Variants in RARB observed in about 807,000 individuals in gnomAD.
The protein encoded by RARB is retinoic acid receptor beta.
RARB carries 17 observed loss-of-function variants against 51.9 expected under a neutral mutation model. The ratio of observed to expected loss-of-function variants is 0.33; its 90% CI spans 0.22 to 0.49. RARB has a LOEUF of 0.49. RARB is among the 20% of genes least tolerant of loss of function. The probability of loss-of-function intolerance (pLI) is 0.99; values close to 1 mark genes in which losing one functional copy is unlikely to be tolerated. For missense variants in RARB, 369 were observed against 550.8 expected, an observed-to-expected ratio of 0.67 and a Z score of 3.30; for synonymous variants, 215 against 195.4, an observed-to-expected ratio of 1.10 and a Z score of -0.84.
intron 3 of RARB, 73 bp from the exon 4 acceptor site, chr3:25,569,685 G>A (rs957132314): frequency 2.0e-6 from 3 of 1,512,366 alleles, no homozygotes; most frequent in Admixed American, 2.1e-5. Context: ...GCCTTGGGAG[G>A]TGGAACCTCC....
chr3:25,155,989 T>G (rs959315314), intron 4 of RARB, among the ~76,000 whole-genome samples: 2 of 152,200 alleles, frequency 1.3e-5, no homozygotes, highest in African/African-American at 4.8e-5. Context: ...TTAGTTCATT[T>G]GTTTATTGGT....
intron 5 of RARB, among the ~76,000 whole-genome samples, chr3:25,283,324 T>C (rs1486297395): frequency 6.6e-6 from 1 of 152,216 alleles, no homozygotes; most frequent in Non-Finnish European, 1.5e-5. Flanking sequence ...GCTCTGAGAA[T>C]AGCAACTCAA....
At chr3:24,944,950 G>T (rs970550237) in intron 2 of RARB, among the ~76,000 whole-genome samples, 1 of 152,118 alleles carries the variant, frequency 6.6e-6, no homozygotes, top group Admixed American at 6.5e-5. Flanking sequence ...GAGAAATTGG[G>T]AAAAAGTGCC....
chr3:25,441,295 C>A, intron 1 of RARB: 1 of 400,428 alleles, frequency 2.5e-6, no homozygotes, highest in Non-Finnish European at 4.8e-6. Context: ...AAGCTCAGAT[C>A]TGTTTTAAAG....
intron 4 of RARB, among the ~76,000 whole-genome samples, chr3:25,576,917 C>G (rs1730221): frequency 0.38 from 58,126 of 152,040 alleles, 11,346 homozygotes; most frequent in African/African-American, 0.44. Flanking sequence ...AAGCCATGCT[C>G]TCATAGTGCC....
chr3:25,339,857 C>T lies in RARB; in HGVS notation c.179-121336C>T, dbSNP rs185948047. On this transcript the variant is annotated intron_variant, in intron 5 of 11. Transcript: ENST00000383772. ...ATTCATTTTCTGGGAAAAGATCATC[C>T]TCAACAGTTTCCACAAAACTGCATA... 1.6e-4 allele frequency among the ~76,000 whole-genome samples: 25 copies of T among 152,222 alleles called. No homozygotes were observed. The East Asian group carries it at 4.8e-3, about 29-fold the overall frequency.
In RARB at chr3:25,213,718, A is replaced by G. The variant is rs143569965; in HGVS notation, c.178+39143A>G. Among the ~76,000 whole-genome samples, 1,024 of 152,340 alleles carry G rather than the reference A, an allele frequency of 6.7e-3. 7 individuals are homozygous for G. The highest frequency in any genetic ancestry group is 0.034 in the Middle Eastern group (10 of 294). Reference sequence around the variant, plus strand: ...GGCAGGCATACTGATGGCAACGGCAATGAGAGCTAGAATAATGTTTAGGAG... The same window carrying G: ...GGCAGGCATACTGATGGCAACGGCAGTGAGAGCTAGAATAATGTTTAGGAG... On this transcript the variant is annotated intron_variant, in intron 5 of 11. Coordinates refer to the RARB transcript ENST00000383772.
At chr3:25,067,496 C>G (rs907596527) in intron 3 of RARB, among the ~76,000 whole-genome samples, 4 of 152,146 alleles carry the variant, frequency 2.6e-5, no homozygotes, top group South Asian at 2.1e-4. Flanking sequence ...AGCAACATTT[C>G]TACATGCCTT....
intron 2 of RARB, among the ~76,000 whole-genome samples, chr3:24,996,737 A>G (rs1487106596): frequency 6.6e-6 from 1 of 152,014 alleles, no homozygotes; most frequent in Non-Finnish European, 1.5e-5. Flanking sequence ...CATATTGTTT[A>G]ATTTCCAGGT....
At chr3:25,421,728 T>A (rs908671850) in intron 5 of RARB, among the ~76,000 whole-genome samples, 11 of 152,142 alleles carry the variant, frequency 7.2e-5, no homozygotes, top group African/African-American at 2.7e-4. Flanking sequence ...CCTAAGTACT[T>A]GTATTACCTC....
intron 5 of RARB, among the ~76,000 whole-genome samples, chr3:25,214,440 G>T (rs1480326069): frequency 6.6e-6 from 1 of 152,188 alleles, no homozygotes; most frequent in African/African-American, 2.4e-5. Flanking sequence ...TCTGAGGTAG[G>T]TGGGTTCAGT....
rs141597526 is a variant in RARB, at chr3:25,499,811, T to C, written c.307-1371T>C. On this transcript the variant is annotated intron_variant, in intron 2 of 7. Coordinates refer to ENST00000330688, the MANE Select transcript of RARB (RefSeq NM_000965.5). The stretch of plus-strand genomic sequence containing the variant: ...AGGGAAGGAAAAGAGAATACCGGAA[T>C]AAGATTGCAAAGCTAGATACAAAAT... Among the ~76,000 whole-genome samples, 111 of 152,272 alleles carry C rather than the reference T, an allele frequency of 7.3e-4. No individual in the cohort carries two copies. The East Asian group carries it at 0.021, about 28-fold the overall frequency.
At chr3:25,360,384 G>A (rs544627930) in intron 5 of RARB, among the ~76,000 whole-genome samples, 1 of 152,122 alleles carries the variant, frequency 6.6e-6, no homozygotes, top group East Asian at 1.9e-4. Flanking sequence ...ATGTGAGATG[G>A]GTCTCCTGAA....
intron 2 of RARB, among the ~76,000 whole-genome samples, chr3:24,967,555 G>A (rs746199465): frequency 7.2e-5 from 11 of 152,142 alleles, no homozygotes; most frequent in Non-Finnish European, 1.3e-4. Context: ...TGCCAGGATA[G>A]AGAATGAACT....
chr3:25,589,824 T>C (rs1397046409), intron 5 of RARB, among the ~76,000 whole-genome samples: 2 of 152,236 alleles, frequency 1.3e-5, no homozygotes, highest in African/African-American at 4.8e-5. Context: ...AGGCTATTTT[T>C]ACCCATCTCG....
At chr3:25,221,477 G>C (rs1262977587) in intron 5 of RARB, among the ~76,000 whole-genome samples, 1 of 152,176 alleles carries the variant, frequency 6.6e-6, no homozygotes, top group African/African-American at 2.4e-5. Context: ...ATTATTCTTA[G>C]AAGTTTAATA....
rs556441666 is a variant in RARB, at chr3:25,253,856, C to T, written c.178+79281C>T. Among the ~76,000 whole-genome samples, 19 of 152,142 alleles carry T rather than the reference C, an allele frequency of 1.2e-4. No homozygotes were observed. In the South Asian group the frequency reaches 1.9e-3, roughly 15 times the overall value. The stretch of plus-strand genomic sequence containing the variant: ...CTCAAATTGCTTGTATTTCTGGAAC[C>T]GCACCTTTAGCTTAAAACGATAACT... On this transcript the variant is annotated intron_variant, in intron 5 of 11. Coordinates refer to the RARB transcript ENST00000383772.
intron 2 of RARB, among the ~76,000 whole-genome samples, chr3:24,953,976 G>T (rs116808200): frequency 6.6e-6 from 1 of 152,032 alleles, no homozygotes; most frequent in African/African-American, 2.4e-5. Flanking sequence ...TTTTCTGAGC[G>T]CTCAGATGAG....
chr3:25,100,186 T>C (rs148879304), intron 3 of RARB, among the ~76,000 whole-genome samples: 7 of 152,232 alleles, frequency 4.6e-5, no homozygotes, highest in East Asian at 1.9e-4. Flanking sequence ...AGACAACATA[T>C]CCGTTTTTAT....
Sources: gnomAD v4.1 joint callset for allele counts (sites outside exome capture counted in the v4.1 genomes callset) on GRCh38, gnomAD v4.1.1 for gene constraint, MANE v1.5 for transcripts, NCBI Gene and HGNC (gene_info 2026-07-23, HGNC 2026-07-21) for gene names.